The following TRIO variants were observed in gnomAD, a reference collection of about 807,000 sequenced individuals.
TRIO encodes triple functional domain protein.
TRIO carries 58 observed loss-of-function variants against 351.9 expected under a neutral mutation model. That is an observed-to-expected ratio of 0.16 (90% CI 0.13 to 0.21). The LOEUF (loss-of-function observed/expected upper bound fraction) is 0.21, where lower values mean the gene tolerates loss of function less well. Among genes scored for constraint, TRIO ranks in the 10% least tolerant of loss-of-function variants. The pLI, the probability that TRIO is intolerant of heterozygous loss-of-function variation, is 1.00. For missense variants in TRIO, 3,201 were observed against 4,027.8 expected, an observed-to-expected ratio of 0.79 and a Z score of 5.56; for synonymous variants, 1,758 against 1,595.7, an observed-to-expected ratio of 1.10 and a Z score of -2.42.
At chr5:14,468,999 C>T (rs144769594) in intron 37 of TRIO, among the ~76,000 whole-genome samples, 6 of 152,232 alleles carry the variant, frequency 3.9e-5, no homozygotes, top group East Asian at 1.9e-4. Flanking sequence ...TCCTGCATGT[C>T]GGCAATAGAG....
At chr5:14,430,072 G>A (rs1750963767) in intron 34 of TRIO, among the ~76,000 whole-genome samples, 1 of 151,994 alleles carries the variant, frequency 6.6e-6, no homozygotes, top group Non-Finnish European at 1.5e-5. Flanking sequence ...TGTATCATTT[G>A]GTCCATGTGC....
chr5:14,496,851 A>G (rs369474145), intron 49 of TRIO, 28 bp from the exon 50 acceptor site: 15 of 1,611,848 alleles, frequency 9.3e-6, no homozygotes, highest in Non-Finnish European at 1.2e-5. Context: ...GAAAGGCATA[A>G]TACCCACAGT....
chr5:14,488,159 C>T lies in TRIO; in HGVS notation c.7531C>T (p.Arg2511Trp), dbSNP rs765654860. The T allele has an allele frequency of 5.6e-6, 9 of 1,605,416 alleles. No individual in the cohort carries two copies. The highest frequency in any genetic ancestry group is 6.8e-6 in the Non-Finnish European group (8 of 1,179,468). The change falls in exon 48 of 57, where the codon CGG (arginine) becomes TGG (tryptophan). Residue 2511 changes from arginine to tryptophan, a missense_variant. Around this residue, in one of 19 missense-constraint regions of TRIO, gnomAD observed 1,089 missense variants for 954.9 expected, o/e 1.14. Transcript: ENST00000344204. ...CCCGGGGGACAGCGACTCCCTCCAGCGGCAGACACCCCGCCACGCGGCCCC... is the reference window on the plus strand; with the variant it reads ...CCCGGGGGACAGCGACTCCCTCCAGTGGCAGACACCCCGCCACGCGGCCCC... ...TFPGDSDSLQ[R>W]QTPRHAAPGK...
chr5:14,471,176 G>A, intron 37 of TRIO, 142 bp from the exon 38 acceptor site: 2 of 1,139,712 alleles, frequency 1.8e-6, no homozygotes, highest in Non-Finnish European at 2.4e-6. Flanking sequence ...GTTATTAAAT[G>A]CTATAATTTC....
Position 14,364,694 on chromosome 5 carries a change from G to C in TRIO, c.2632G>C (p.Val878Leu), listed in dbSNP as rs1744442735. The change falls in exon 15 of 57, where the codon GTC (valine) becomes CTC (leucine). Residue 878 changes from valine to leucine, a missense_variant. By Grantham distance (32) the Val-to-Leu change is conservative. Transcript: ENST00000344204. ...TAGAGATGTAGACATGGCAACTCGG[G>C]TCCAGGACCTGCTGGAGTTTCTTCA... ...CDRDVDMATR[V>L]QDLLEFLHEK... The C allele has an allele frequency of 6.2e-7, 1 of 1,613,802 alleles. No homozygotes were observed. Among genetic ancestry groups the C allele is most frequent in the African/African-American group, 1.3e-5 (1 of 74,914 alleles).
Position 14,381,252 on chromosome 5 carries a change from G to A in TRIO, c.3570G>A (p.Lys1190=). ...KEHEEFQITA[K]QTKERVKLLI... ...ACGAGGAGTTCCAGATAACTGCAAAGGTGGGTTCAGAGTGTACTTTGTATA... is the reference window on the plus strand; with the variant it reads ...ACGAGGAGTTCCAGATAACTGCAAAAGTGGGTTCAGAGTGTACTTTGTATA... Residue 1190 remains lysine, a splice_region_variant and synonymous_variant, in exon 21 of 57, where the codon AAG becomes AAA. Transcript: ENST00000344204. 6.2e-7 allele frequency: 1 copy of A among 1,609,082 alleles called. No homozygotes were observed. Among genetic ancestry groups the A allele is most frequent in the African/African-American group, 1.3e-5 (1 of 74,682 alleles).
chr5:14,323,313 G>A (rs879757428), intron 9 of TRIO, among the ~76,000 whole-genome samples: 3 of 152,088 alleles, frequency 2.0e-5, no homozygotes, highest in Non-Finnish European at 4.4e-5. Context: ...CGAATGGCTT[G>A]GCAGAAGCAC....
intron 2 of TRIO, among the ~76,000 whole-genome samples, chr5:14,275,420 G>A (rs1354691575): frequency 1.3e-5 from 2 of 151,946 alleles, no homozygotes; most frequent in Admixed American, 6.5e-5. Context: ...CTTTACATTT[G>A]TAAGACTTAA....
chr5:14,369,326 G>A (rs771232474), intron 17 of TRIO, 48 bp from the exon 18 acceptor site: 12 of 1,552,270 alleles, frequency 7.7e-6, no homozygotes, highest in Middle Eastern at 1.7e-4. Flanking sequence ...GATACCAGTC[G>A]GCAGTGGCAG....
intron 2 of TRIO, among the ~76,000 whole-genome samples, chr5:14,280,103 T>G (rs1300629485): frequency 6.6e-6 from 1 of 152,218 alleles, no homozygotes; most frequent in African/African-American, 2.4e-5. Context: ...CAAGGCCATA[T>G]GTAGTACCTT....
chr5:14,387,096 G>A (rs1455634033), intron 21 of TRIO, among the ~76,000 whole-genome samples: 2 of 152,258 alleles, frequency 1.3e-5, no homozygotes, highest in Admixed American at 6.5e-5. Context: ...TTTGAGGAGA[G>A]TAGCAGCATT....
intron 10 of TRIO, among the ~76,000 whole-genome samples, chr5:14,333,089 T>C (rs1316079033): frequency 6.6e-6 from 1 of 152,186 alleles, no homozygotes; most frequent in Non-Finnish European, 1.5e-5. Flanking sequence ...TGGCTCTTCC[T>C]GCAGTCCTCA....
At chr5:14,325,432 G>A (rs1261975279) in intron 9 of TRIO, among the ~76,000 whole-genome samples, 3 of 152,306 alleles carry the variant, frequency 2.0e-5, no homozygotes, top group South Asian at 2.1e-4. Context: ...CAGAACACAC[G>A]GCGAGAGAGA....
At chr5:14,169,887 G>A (rs940077562) in intron 1 of TRIO, among the ~76,000 whole-genome samples, 1 of 152,212 alleles carries the variant, frequency 6.6e-6, no homozygotes, top group Non-Finnish European at 1.5e-5. Context: ...TGGTAATTAG[G>A]CAAAGCATTT....
intron 35 of TRIO, among the ~76,000 whole-genome samples, chr5:14,462,110 T>G (rs1028273019): frequency 1.3e-5 from 2 of 151,754 alleles, no homozygotes; most frequent in South Asian, 2.1e-4. Flanking sequence ...AGGCAGAGAG[T>G]GGGGATGAGA....
At chr5:14,489,442 G>A (rs1033699789) in intron 48 of TRIO, among the ~76,000 whole-genome samples, 8 of 152,212 alleles carry the variant, frequency 5.3e-5, no homozygotes, top group African/African-American at 1.2e-4. Flanking sequence ...TATGCTAGGC[G>A]GGTGAGCATA....
intron 1 of TRIO, among the ~76,000 whole-genome samples, chr5:14,253,655 C>T (rs1159707810): frequency 6.6e-6 from 1 of 152,210 alleles, no homozygotes; most frequent in Non-Finnish European, 1.5e-5. Flanking sequence ...TGCTGGGATT[C>T]TTGATCAAAA....
At chr5:14,331,039 C>A in intron 10 of TRIO, 139 bp downstream of exon 10, 1 of 1,267,780 alleles carries the variant, frequency 7.9e-7, no homozygotes, top group South Asian at 1.7e-5. Flanking sequence ...GCTCCGATTT[C>A]AGAGTGAAGT....
At position 14,308,953 on chromosome 5, in the gene TRIO, A is replaced by G. The variant is rs530034261; in HGVS notation, c.1500+4361A>G. Among the ~76,000 whole-genome samples the G allele has an allele frequency of 9.2e-5, 14 of 151,556 alleles. No individual in the cohort carries two copies. The East Asian group carries it at 2.3e-3, about 25-fold the overall frequency. On this transcript the variant is annotated intron_variant, in intron 8 of 56. Transcript: ENST00000344204. ...CATCCACCCAGTCACCCAACCACCTATCCATACACCCAGTCACCCAACTGT... is the reference window on the plus strand; with the variant it reads ...CATCCACCCAGTCACCCAACCACCTGTCCATACACCCAGTCACCCAACTGT...
Sources: allele counts gnomAD v4.1 joint callset (sites outside exome capture counted in the v4.1 genomes callset), GRCh38; gene constraint gnomAD v4.1.1; regional missense constraint gnomAD v4.1.1; transcripts MANE v1.5; gene names NCBI Gene and HGNC (gene_info 2026-07-23, HGNC 2026-07-21).